KCNQ1: variants seen among roughly 807,000 people sequenced by gnomAD.
The protein encoded by KCNQ1 is potassium voltage-gated channel subfamily KQT member 1.
KCNQ1 carries 49 observed loss-of-function variants against 72.4 expected under a neutral mutation model. That is an observed-to-expected ratio of 0.68 (90% CI 0.54 to 0.86). The LOEUF (loss-of-function observed/expected upper bound fraction) is 0.86. KCNQ1 is among the 40% of genes least tolerant of loss of function. The pLI, the probability that KCNQ1 is intolerant of heterozygous loss-of-function variation, is 0.00. For synonymous variants in KCNQ1, 450 were observed against 412.6 expected (o/e 1.09, Z -1.10); for missense variants, 790 against 945.1 (o/e 0.84, Z 2.15).
At chr11:2,597,553 T>C (rs1329633099) in intron 10 of KCNQ1, among the ~76,000 whole-genome samples, 1 of 152,190 alleles carries the variant, frequency 6.6e-6, no homozygotes, top group Non-Finnish European at 1.5e-5. Flanking sequence ...TAACAGTACA[T>C]CTTTCAGAAG....
chr11:2,772,498 G>C lies in KCNQ1; in HGVS notation c.1591-3462G>C, dbSNP rs920390765. On this transcript the variant is annotated intron_variant, in intron 12 of 15. Coordinates refer to ENST00000155840, the MANE Select transcript of KCNQ1 (RefSeq NM_000218.3). This position sits in a 1 kb window ranked among gnomAD's most constrained non-coding sequence, Gnocchi z 6.6. ...AGAGGACCACTGGACAAAGGCCCCCGTGAGCCCTAACCGTATCCTAGCAGG... is the reference window on the plus strand; with the variant it reads ...AGAGGACCACTGGACAAAGGCCCCCCTGAGCCCTAACCGTATCCTAGCAGG... 6.6e-6 allele frequency among the ~76,000 whole-genome samples: 1 copy of C among 151,980 alleles called. No homozygotes were observed. Among genetic ancestry groups the C allele is most frequent in the East Asian group, 1.9e-4 (1 of 5,168 alleles).
At position 2,450,299 on chromosome 11, in the gene KCNQ1, G is replaced by A. The variant is rs2133566951; in HGVS notation, c.386+4815G>A. Among the ~76,000 whole-genome samples the A allele has an allele frequency of 6.6e-6, 1 of 152,334 alleles. No individual in the cohort carries two copies. The highest frequency in any genetic ancestry group is 6.5e-5 in the Admixed American group (1 of 15,304). On this transcript the variant is annotated intron_variant, in intron 1 of 15. Transcript: ENST00000155840. The surrounding 1 kb of genome is among the most constrained non-coding windows in gnomAD (Gnocchi z 7.9). ...CAGGCCCAGGAAGAGCTGAGAGACA[G>A]CAGATGCCCAAGACGAGTTGCTGGT...
rs1316685218 is a variant in KCNQ1, at chr11:2,745,447, T to G, written c.1515-23397T>G. 6.6e-6 allele frequency among the ~76,000 whole-genome samples: 1 copy of G among 152,178 alleles called. No homozygotes were observed. The highest frequency in any genetic ancestry group is 1.9e-4 in the East Asian group (1 of 5,190). On this transcript the variant is annotated intron_variant, in intron 11 of 15. Transcript: ENST00000155840. This position sits in a 1 kb window ranked among gnomAD's most constrained non-coding sequence, Gnocchi z 6.2. ...TATTGCTGGTATAAAGAAATGCCAT[T>G]GATTTGGGGGGGTTGATCTCACACC...
In KCNQ1 at chr11:2,492,219, A is replaced by C. The variant is rs179393; in HGVS notation, c.387-35709A>C. Among the ~76,000 whole-genome samples the C allele has an allele frequency of 0.78, 118,627 of 152,108 alleles. 46,248 individuals carry two copies. The highest frequency in any genetic ancestry group is 0.82 in the Middle Eastern group (242 of 294). ...ATTATGGTGTGTAAACTACTCATAT[A>C]TTAAGTAGAAGGATGAAAAGAAGAA... On this transcript the variant is annotated intron_variant, in intron 1 of 15. Transcript: ENST00000155840. This position sits in a 1 kb window ranked among gnomAD's most constrained non-coding sequence, Gnocchi z 4.1.
chr11:2,797,793 C>A (rs1318119337), intron 15 of KCNQ1, among the ~76,000 whole-genome samples: 1 of 152,154 alleles, frequency 6.6e-6, no homozygotes, highest in Admixed American at 6.5e-5. Flanking sequence ...CTCACCCTGA[C>A]CACATGGCCT....
chr11:2,825,029 C>T (rs1305148669), intron 15 of KCNQ1, among the ~76,000 whole-genome samples: 4 of 152,216 alleles, frequency 2.6e-5, no homozygotes, highest in Non-Finnish European at 5.9e-5. Flanking sequence ...GGGCCAGCTC[C>T]GAGCTCAGAC....
chr11:2,733,842 T>A (rs1226722695), intron 11 of KCNQ1, among the ~76,000 whole-genome samples: 1 of 37,186 alleles, frequency 2.7e-5, no homozygotes, highest in Non-Finnish European at 5.4e-5. Flanking sequence ...TCTCTCTCTC[T>A]CTCTCTCTCT....
In KCNQ1 at chr11:2,602,247, C is replaced by CT. The variant is rs776047821; in HGVS notation, c.1393+13397dup. On this transcript the variant is annotated intron_variant, in intron 10 of 15. Transcript: ENST00000155840. The surrounding 1 kb of genome is among the most constrained non-coding windows in gnomAD (Gnocchi z 4.8). ...CCTTGATTTTTCGTCCCCTAAGACT[C>CT]TTTTCAGACTTCTGGCCTCTAGAAC... Among the ~76,000 whole-genome samples, 2 of 151,076 alleles carry CT rather than the reference C, an allele frequency of 1.3e-5. No homozygotes were observed. The highest frequency in any genetic ancestry group is 4.9e-5 in the African/African-American group (2 of 41,064).
chr11:2,592,731 T>A lies in KCNQ1; in HGVS notation c.1393+3877T>A, dbSNP rs1217555080. ...GTGCCCAGCCTGGGGAGCCTGACAC[T>A]CACAGCCCGGCTGCTGCTGCCTTGG... On this transcript the variant is annotated intron_variant, in intron 10 of 15. Coordinates refer to ENST00000155840, the MANE Select transcript of KCNQ1 (RefSeq NM_000218.3). This position sits in a 1 kb window ranked among gnomAD's most constrained non-coding sequence, Gnocchi z 5.2. 1.3e-5 allele frequency among the ~76,000 whole-genome samples: 2 copies of A among 152,174 alleles called. No homozygotes were observed. The highest frequency in any genetic ancestry group is 2.9e-5 in the Non-Finnish European group (2 of 68,014).
At chr11:2,756,619 T>C (rs1486535610) in intron 11 of KCNQ1, among the ~76,000 whole-genome samples, 1 of 152,008 alleles carries the variant, frequency 6.6e-6, no homozygotes, top group East Asian at 1.9e-4. Flanking sequence ...TTGTGTTTTG[T>C]TTGTTTGTTT....
Position 2,796,175 on chromosome 11 carries a change from A to G in KCNQ1, c.1794+18138A>G, listed in dbSNP as rs542186556. Among the ~76,000 whole-genome samples the G allele has an allele frequency of 1.6e-4, 25 of 152,164 alleles. No individual in the cohort carries two copies. The East Asian group carries it at 4.6e-3, about 28-fold the overall frequency. On this transcript the variant is annotated intron_variant, in intron 15 of 15. Transcript: ENST00000155840. ...ATGAAAACATAAATGTAAATACCAA[A>G]ATACACAGGGACTATTCGGACACCA...
intron 10 of KCNQ1, chr11:2,648,985 T>C (rs1161867514): frequency 1.3e-5 from 2 of 158,326 alleles, no homozygotes; most frequent in Non-Finnish European, 2.6e-5. Flanking sequence ...CTTTTTCTTT[T>C]TTTTTTTTTT....
At chr11:2,449,739 C>A (rs188764099) in intron 1 of KCNQ1, among the ~76,000 whole-genome samples, 1 of 152,138 alleles carries the variant, frequency 6.6e-6, no homozygotes, top group African/African-American at 2.4e-5. Flanking sequence ...CAACTCCACC[C>A]GGGTGGCTGA....
At chr11:2,643,044 T>A (rs895393822) in intron 10 of KCNQ1, 123 of 397,890 alleles carry the variant, frequency 3.1e-4, no homozygotes, top group East Asian at 3.6e-5. Context: ...CAATTTAAAA[T>A]ATATATATAT....
Position 2,621,191 on chromosome 11 carries a change from T to C in KCNQ1, c.1393+32337T>C. Reference sequence around the variant, plus strand: ...CGGGGTTTCACCATGTTGGCCAGGATGGTCTCGAATACCTGACCCCAGATG... The same window carrying C: ...CGGGGTTTCACCATGTTGGCCAGGACGGTCTCGAATACCTGACCCCAGATG... On this transcript the variant is annotated intron_variant, in intron 10 of 15. Transcript: ENST00000155840. This position sits in a 1 kb window ranked among gnomAD's most constrained non-coding sequence, Gnocchi z 5.7. 2.5e-6 allele frequency: 1 copy of C among 397,672 alleles called. No homozygotes were observed. The highest frequency in any genetic ancestry group is 4.4e-6 in the Non-Finnish European group (1 of 226,036). 24.6% of individuals were successfully genotyped at this position (397,672 alleles called of 1,614,324 possible). A position where few individuals can be genotyped will look rare whatever the true frequency, so the allele number is the denominator to read the frequency against.
At position 2,509,814 on chromosome 11, in the gene KCNQ1, G is replaced by T. The variant is rs1016609453; in HGVS notation, c.387-18114G>T. Among the ~76,000 whole-genome samples the T allele has an allele frequency of 1.3e-5, 2 of 152,172 alleles. No individual in the cohort carries two copies. Among genetic ancestry groups the T allele is most frequent in the Non-Finnish European group, 2.9e-5 (2 of 68,034 alleles). On this transcript the variant is annotated intron_variant, in intron 1 of 15. Transcript: ENST00000155840. The surrounding 1 kb of genome is among the most constrained non-coding windows in gnomAD (Gnocchi z 6.3). ...CTGAGCCAAGTGGACTGGGAGGTGTGGACAGGGAACCCTGGCGGGGCCGGC... is the reference window on the plus strand; with the variant it reads ...CTGAGCCAAGTGGACTGGGAGGTGTTGACAGGGAACCCTGGCGGGGCCGGC...
At chr11:2,686,258 G>T in intron 11 of KCNQ1, 1 of 398,732 alleles carries the variant, frequency 2.5e-6, no homozygotes, top group Non-Finnish European at 4.4e-6. Flanking sequence ...GCAAATGTCT[G>T]CCACCCCAGT....
At chr11:2,533,085 G>A (rs980879220) in intron 2 of KCNQ1, among the ~76,000 whole-genome samples, 2 of 152,228 alleles carry the variant, frequency 1.3e-5, no homozygotes, top group Non-Finnish European at 2.9e-5. Flanking sequence ...ACCCGCATGA[G>A]GGATTCCGAG....
At chr11:2,557,550 C>T (rs910764693) in intron 2 of KCNQ1, among the ~76,000 whole-genome samples, 11 of 152,258 alleles carry the variant, frequency 7.2e-5, no homozygotes, top group East Asian at 3.8e-4. Context: ...CGCCTGAGCT[C>T]GCTAGCCTAC....
Sources: allele counts gnomAD v4.1 joint callset (sites outside exome capture counted in the v4.1 genomes callset), GRCh38; gene constraint gnomAD v4.1.1; non-coding constraint Gnocchi (gnomAD v3.1); transcripts MANE v1.5; gene names NCBI Gene and HGNC (gene_info 2026-07-23, HGNC 2026-07-21).